KIF16B: variants seen among roughly 807,000 people sequenced by gnomAD.
KIF16B encodes the protein kinesin family member 16B.
KIF16B carries 98 observed loss-of-function variants against 156.3 expected under a neutral mutation model. The observed-to-expected ratio is 0.63, with a 90% confidence interval of 0.53 to 0.74. The LOEUF (loss-of-function observed/expected upper bound fraction) is 0.74. Ranked by LOEUF, KIF16B falls within the 30% of genes least tolerant of loss-of-function variation. The probability of loss-of-function intolerance (pLI) is 0.00; values close to 1 mark genes in which losing one functional copy is unlikely to be tolerated. For missense variants in KIF16B, 1,421 were observed against 1,606.5 expected (o/e 0.88, Z 1.97); for synonymous variants, 564 against 583.7 (o/e 0.97, Z 0.49).
At chr20:16,474,870 C>T (rs113402788) in intron 12 of KIF16B, among the ~76,000 whole-genome samples, 3 of 152,288 alleles carry the variant, frequency 2.0e-5, no homozygotes, top group African/African-American at 4.8e-5. Context: ...GCTCTTGCAG[C>T]CAAATGCACT....
chr20:16,403,314 T>C (rs778922217), intron 17 of KIF16B, among the ~76,000 whole-genome samples: 3 of 152,206 alleles, frequency 2.0e-5, no homozygotes, highest in Non-Finnish European at 4.4e-5. Context: ...TAAACATTAG[T>C]GATTCCATCT....
intron 9 of KIF16B, among the ~76,000 whole-genome samples, chr20:16,504,801 C>T (rs191062519): frequency 2.2e-3 from 338 of 152,260 alleles, no homozygotes; most frequent in Admixed American, 3.9e-3. Context: ...AGATATGAGA[C>T]ATTCCCCTAT....
chr20:16,346,314 C>T (rs550319466), intron 23 of KIF16B, among the ~76,000 whole-genome samples: 87 of 152,308 alleles, frequency 5.7e-4, no homozygotes, highest in Non-Finnish European at 9.4e-4. Flanking sequence ...GTGTATGGAG[C>T]TTGGAGAGTG....
At chr20:16,288,299 T>C (rs1304208730) in intron 25 of KIF16B, among the ~76,000 whole-genome samples, 2 of 152,346 alleles carry the variant, frequency 1.3e-5, no homozygotes, top group East Asian at 3.9e-4. Flanking sequence ...GTATTTTCTT[T>C]TTAGGATTAG....
chr20:16,559,523 G>C (rs551327142), intron 1 of KIF16B, among the ~76,000 whole-genome samples: 2 of 152,192 alleles, frequency 1.3e-5, no homozygotes, highest in South Asian at 4.2e-4. Context: ...ATCCCCACAT[G>C]CTGGGAAGGC....
At chr20:16,310,075 C>A (rs1003208519) in intron 25 of KIF16B, among the ~76,000 whole-genome samples, 4 of 152,206 alleles carry the variant, frequency 2.6e-5, no homozygotes, top group Non-Finnish European at 5.9e-5. Context: ...GTGAAGGTTA[C>A]TTATACTTGC....
At chr20:16,371,589 C>CAAAA (rs111754823) in intron 21 of KIF16B, 76 bp downstream of exon 21, 906 of 623,316 alleles carry the variant, frequency 1.5e-3, no homozygotes, top group East Asian at 1.8e-3. Context: ...GACTCAGTCT[C>CAAAA]AAAAAAAAAA....
chr20:16,423,055 T>C (rs2066264671), intron 15 of KIF16B, among the ~76,000 whole-genome samples: 1 of 151,908 alleles, frequency 6.6e-6, no homozygotes, highest in African/African-American at 2.4e-5. Context: ...GGCCAAGAAA[T>C]AGATATAATG....
chr20:16,447,502 A>G (rs2066966321), intron 12 of KIF16B, among the ~76,000 whole-genome samples: 1 of 152,034 alleles, frequency 6.6e-6, no homozygotes, highest in African/African-American at 2.4e-5. Flanking sequence ...GGCTGGGTGC[A>G]GTGGCTCACA....
At chr20:16,337,575 C>T (rs947871745) in intron 23 of KIF16B, among the ~76,000 whole-genome samples, 1 of 151,788 alleles carries the variant, frequency 6.6e-6, no homozygotes, top group Non-Finnish European at 1.5e-5. Flanking sequence ...AAAATCATTA[C>T]AAACAAGAGT....
chr20:16,415,826 TG>T (rs2066072270), intron 15 of KIF16B, among the ~76,000 whole-genome samples: 1 of 152,170 alleles, frequency 6.6e-6, no homozygotes, highest in Non-Finnish European at 1.5e-5. Flanking sequence ...GGAGGAGTTT[TG>T]GTTCTGCATA....
intron 10 of KIF16B, among the ~76,000 whole-genome samples, chr20:16,502,000 A>G (rs905675298): frequency 6.6e-6 from 1 of 152,186 alleles, no homozygotes; most frequent in African/African-American, 2.4e-5. Context: ...TTGGGGGATA[A>G]TACGTCAATA....
rs535276872 is a variant in KIF16B at position 16,513,132 on chromosome 20, T to A, written c.349-209A>T. Among the ~76,000 whole-genome samples, 5 of 152,346 alleles carry A rather than the reference T, an allele frequency of 3.3e-5. No individual in the cohort carries two copies. The East Asian group carries it at 7.7e-4, about 23-fold the overall frequency. On this transcript the variant is annotated intron_variant, in intron 4 of 25. Transcript: ENST00000354981. Reference sequence around the variant, plus strand: ...CCTTCTGATTTATACAGGCTGGGACTCTGATAATATACGGTTATCAGTTGT... The same window carrying A: ...CCTTCTGATTTATACAGGCTGGGACACTGATAATATACGGTTATCAGTTGT...
chr20:16,470,443 T>A (rs1055543528), intron 12 of KIF16B, among the ~76,000 whole-genome samples: 3 of 152,028 alleles, frequency 2.0e-5, no homozygotes, highest in Admixed American at 6.6e-5. Flanking sequence ...GGCCAGGAAG[T>A]ATATGGGAAC....
intron 12 of KIF16B, among the ~76,000 whole-genome samples, chr20:16,430,499 A>C (rs1168716897): frequency 6.6e-6 from 1 of 151,986 alleles, no homozygotes; most frequent in African/African-American, 2.4e-5. Context: ...TGAATCTGCT[A>C]TTCACCTCCC....
At chr20:16,504,282 T>C (rs1360479582) in intron 10 of KIF16B, 90 bp downstream of exon 10, 2 of 1,296,294 alleles carry the variant, frequency 1.5e-6, no homozygotes, top group East Asian at 2.3e-5. Flanking sequence ...CTCAAATCAA[T>C]AGCATGAGTG....
intron 12 of KIF16B, among the ~76,000 whole-genome samples, chr20:16,434,959 G>C (rs990856836): frequency 2.0e-5 from 3 of 151,952 alleles, no homozygotes; most frequent in Admixed American, 6.6e-5. Context: ...TGTGAGGATG[G>C]GGGAGGAAGT....
rs930425253 is a variant in KIF16B at position 16,364,911 on chromosome 20, A to G, written c.3498+5675T>C. On this transcript the variant is annotated intron_variant, in intron 22 of 25. Coordinates refer to ENST00000354981, the MANE Select transcript of KIF16B (RefSeq NM_024704.5). ...GCATGTTCCATCTCTGAGAAATCCT[A>G]AAGGCCATGATTTACAACATGGTGG... is the stretch of plus-strand genomic sequence containing the variant. 2.6e-5 allele frequency among the ~76,000 whole-genome samples: 4 copies of G among 152,214 alleles called. No individual in the cohort carries two copies. In the East Asian group the frequency reaches 5.8e-4, roughly 22 times the overall value.
intron 24 of KIF16B, among the ~76,000 whole-genome samples, chr20:16,319,019 T>C (rs1168818985): frequency 2.0e-5 from 3 of 152,114 alleles, no homozygotes. Flanking sequence ...AAATGGCATT[T>C]TTACCTCTGC....
Sources: allele counts gnomAD v4.1 joint callset (sites outside exome capture counted in the v4.1 genomes callset), GRCh38; gene constraint gnomAD v4.1.1; transcripts MANE v1.5; gene names NCBI Gene and HGNC (gene_info 2026-07-23, HGNC 2026-07-21).